Variants in PIGN observed in about 807,000 individuals in gnomAD.
The protein encoded by PIGN is GPI ethanolamine phosphate transferase 1.
Under a neutral mutation model 125.4 loss-of-function variants are expected in PIGN, and 117 were observed. That is an observed-to-expected ratio of 0.93 (90% CI 0.80 to 1.09). PIGN has a LOEUF of 1.09. Ranked by LOEUF, PIGN falls within the 50% of genes least tolerant of loss-of-function variation. The pLI is 0.00. For synonymous variants in PIGN, 392 were observed against 377.8 expected, an observed-to-expected ratio of 1.04 and a Z score of -0.44; for missense variants, 1,075 against 1,094.9, an observed-to-expected ratio of 0.98 and a Z score of 0.26.
intron 30 of PIGN, among the ~76,000 whole-genome samples, chr18:62,062,427 G>A (rs1481606398): frequency 6.6e-6 from 1 of 152,134 alleles, no homozygotes; most frequent in Non-Finnish European, 1.5e-5. Context: ...ACCTATGGGG[G>A]TTAGATCCCC....
chr18:62,043,605 C>A lies in PIGN; in HGVS notation c.*2251G>T, dbSNP rs1009362162. ...ATACAATCATTTATAACATTATTTT[C>A]CTAAAAAATAAAAAAGCATTTTGTA... is the stretch of plus-strand genomic sequence containing the variant. On this transcript the variant is annotated 3_prime_UTR_variant, in exon 31 of 31. Transcript: ENST00000640252. 1 of 151,934 alleles carries A rather than the reference C, an allele frequency of 6.6e-6. No individual in the cohort carries two copies. The highest frequency in any genetic ancestry group is 1.5e-5 in the Non-Finnish European group (1 of 67,990). The allele number at this position is 151,934 out of a possible 1,614,324, so 9.4% of individuals were successfully genotyped here.
At chr18:62,108,643 T>A (rs1453002332) in intron 17 of PIGN, among the ~76,000 whole-genome samples, 1 of 152,020 alleles carries the variant, frequency 6.6e-6, no homozygotes, top group African/African-American at 2.4e-5. Flanking sequence ...CAGGCTGGAG[T>A]GCAGTGGTGC....
At chr18:62,087,851 G>C (rs2033778144) in intron 25 of PIGN, among the ~76,000 whole-genome samples, 1 of 152,170 alleles carries the variant, frequency 6.6e-6, no homozygotes, top group East Asian at 1.9e-4. Context: ...TGGTTGCTGA[G>C]GGCTGAGAGG....
Position 62,090,596 on chromosome 18 carries a change from G to A in PIGN, c.2181-18C>T. 2 of 1,452,966 alleles carry A rather than the reference G, an allele frequency of 1.4e-6. No individual in the cohort carries two copies. The highest frequency in any genetic ancestry group is 1.9e-6 in the Non-Finnish European group (2 of 1,044,948). 90.0% of individuals were successfully genotyped at this position (1,452,966 alleles called of 1,614,324 possible). On this transcript the variant is annotated intron_variant, in intron 23 of 30. Coordinates refer to ENST00000640252, the MANE Select transcript of PIGN (RefSeq NM_176787.5). ...CTTCATACCTAACAGGTGGGGAAAG[G>A]TAGAAATGAAAAGAAAAAAACAGTA...
chr18:62,030,971 C>T (rs1257623319), intron 23 of PIGN, among the ~76,000 whole-genome samples: 1 of 151,950 alleles, frequency 6.6e-6, no homozygotes, highest in Non-Finnish European at 1.5e-5. Context: ...ACAGTGAGAC[C>T]CTGTCTCTAA....
chr18:62,071,975 T>C (rs1035067147), intron 30 of PIGN, among the ~76,000 whole-genome samples: 6 of 145,630 alleles, frequency 4.1e-5, no homozygotes, highest in South Asian at 2.2e-4. Context: ...ACTGTTGTCA[T>C]AGATGACAGC....
At chr18:62,092,705 A>G (rs1038626899) in intron 23 of PIGN, among the ~76,000 whole-genome samples, 16 of 152,138 alleles carry the variant, frequency 1.1e-4, no homozygotes, top group African/African-American at 3.1e-4. Context: ...ATACCAGAAC[A>G]TTAACAAGAG....
chr18:62,132,737 T>G (rs2035786327), intron 14 of PIGN, among the ~76,000 whole-genome samples: 1 of 152,216 alleles, frequency 6.6e-6, no homozygotes, highest in Non-Finnish European at 1.5e-5. Flanking sequence ...CTTTTCCATA[T>G]GACTGTTAAA....
intron 23 of PIGN, among the ~76,000 whole-genome samples, chr18:62,024,848 A>C (rs766306413): frequency 5.9e-5 from 9 of 152,220 alleles, no homozygotes; most frequent in Admixed American, 4.6e-4. Flanking sequence ...AAATAAAAAC[A>C]AATACTGATT....
chr18:62,106,732 C>T (rs1314226313), intron 19 of PIGN, 57 bp downstream of exon 19: 4 of 1,081,670 alleles, frequency 3.7e-6, no homozygotes, highest in East Asian at 2.5e-5. Context: ...TTGAGTTACA[C>T]ATGTGTCAAA....
At chr18:62,170,413 A>G (rs2037309567) in intron 1 of PIGN, among the ~76,000 whole-genome samples, 1 of 152,086 alleles carries the variant, frequency 6.6e-6, no homozygotes, top group Non-Finnish European at 1.5e-5. Flanking sequence ...ATTATTTCAA[A>G]CTTTTTCATT....
At chr18:62,096,157 T>C (rs1028255573) in intron 22 of PIGN, among the ~76,000 whole-genome samples, 1 of 152,026 alleles carries the variant, frequency 6.6e-6, no homozygotes, top group Non-Finnish European at 1.5e-5. Flanking sequence ...TAGCTGGGTG[T>C]GGTGGCAGGC....
chr18:62,184,829 C>T (rs1230246826), intron 1 of PIGN, among the ~76,000 whole-genome samples: 1 of 152,198 alleles, frequency 6.6e-6, no homozygotes, highest in African/African-American at 2.4e-5. Context: ...GTTCTCAACA[C>T]ATACTAATAT....
In PIGN at chr18:62,044,716, A is replaced by G. The variant is rs2030537152; in HGVS notation, c.*1140T>C. ...GTCATTAACATGAATTAGTAATGCTATAACTTAATTCAAAAGCAATTACTT... is the reference window on the plus strand; with the variant it reads ...GTCATTAACATGAATTAGTAATGCTGTAACTTAATTCAAAAGCAATTACTT... On this transcript the variant is annotated 3_prime_UTR_variant, in exon 31 of 31. Coordinates refer to ENST00000640252, the MANE Select transcript of PIGN (RefSeq NM_176787.5). 1 of 152,200 alleles carries G rather than the reference A, an allele frequency of 6.6e-6. No individual in the cohort carries two copies. Among genetic ancestry groups the G allele is most frequent in the African/African-American group, 2.4e-5 (1 of 41,462 alleles). 9.4% of individuals were successfully genotyped at this position (152,200 alleles called of 1,614,324 possible). A position where few individuals can be genotyped will look rare whatever the true frequency, so the allele number is the denominator to read the frequency against.
At chr18:62,056,996 CT>C (rs1375993815) in intron 30 of PIGN, among the ~76,000 whole-genome samples, 1 of 152,210 alleles carries the variant, frequency 6.6e-6, no homozygotes, top group Non-Finnish European at 1.5e-5. Context: ...AAACCATCCC[CT>C]GCTGGCCCCT....
chr18:62,091,302 G>A (rs925869386), intron 23 of PIGN, among the ~76,000 whole-genome samples: 7 of 152,086 alleles, frequency 4.6e-5, no homozygotes, highest in Admixed American at 1.3e-4. Context: ...CTGAGATCAC[G>A]CCACTGCACT....
chr18:62,179,506 G>A (rs1285957779), intron 1 of PIGN, among the ~76,000 whole-genome samples: 1 of 152,054 alleles, frequency 6.6e-6, no homozygotes, highest in Non-Finnish European at 1.5e-5. Context: ...CACTTTATGA[G>A]GCCAAGGCAG....
At chr18:62,125,425 G>T (rs1365213762) in intron 14 of PIGN, among the ~76,000 whole-genome samples, 1 of 152,024 alleles carries the variant, frequency 6.6e-6, no homozygotes, top group Non-Finnish European at 1.5e-5. Flanking sequence ...CTTTCTAGTA[G>T]ACATGTTATT....
At chr18:62,049,549 T>C (rs1377539645) in intron 30 of PIGN, among the ~76,000 whole-genome samples, 1 of 151,128 alleles carries the variant, frequency 6.6e-6, no homozygotes, top group Non-Finnish European at 1.5e-5. Context: ...TTGATGGGGT[T>C]GTTTTTTTCT....
Sources: gnomAD v4.1 joint callset for allele counts (sites outside exome capture counted in the v4.1 genomes callset) on GRCh38, gnomAD v4.1.1 for gene constraint, MANE v1.5 for transcripts, NCBI Gene and HGNC (gene_info 2026-07-23, HGNC 2026-07-21) for gene names.